The following ARMH4 variants were observed in gnomAD, a reference collection of about 807,000 sequenced individuals.
ARMH4 encodes the protein armadillo like helical domain containing 4.
In ARMH4, 49 loss-of-function variants were observed where a neutral mutation model predicts 61.9. The observed-to-expected ratio is 0.79, with a 90% CI of 0.63 to 1.00. ARMH4 has a LOEUF of 1.00. Ranked by LOEUF, ARMH4 falls within the 50% of genes least tolerant of loss-of-function variation. ARMH4 has a pLI of 0.00. For missense variants in ARMH4, 934 were observed against 930.0 expected (o/e 1.00, Z -0.06); for synonymous variants, 368 against 341.5 (o/e 1.08, Z -0.85).
chr14:58,045,630 A>G (rs1883912199), intron 5 of ARMH4, among the ~76,000 whole-genome samples: 1 of 151,830 alleles, frequency 6.6e-6, no homozygotes, highest in South Asian at 2.1e-4. Context: ...AAAAAGAAAC[A>G]CGGTCTTGTG....
At chr14:58,072,360 A>T (rs1884908164) in intron 5 of ARMH4, among the ~76,000 whole-genome samples, 1 of 152,232 alleles carries the variant, frequency 6.6e-6, no homozygotes, top group South Asian at 2.1e-4. Context: ...GTGGGAAAGA[A>T]ATCTAGATAA....
At chr14:58,120,490 T>A (rs149687438) in intron 4 of ARMH4, among the ~76,000 whole-genome samples, 150 of 152,228 alleles carry the variant, frequency 9.9e-4, no homozygotes, top group African/African-American at 3.5e-3. Flanking sequence ...TTTTTTGTGA[T>A]CCTTTCTGCC....
chr14:58,133,286 G>A lies in ARMH4; in HGVS notation c.1425C>T (p.Ser475=). The A allele has an allele frequency of 6.2e-7, 1 of 1,613,968 alleles. No homozygotes were observed. Among genetic ancestry groups the A allele is most frequent in the Non-Finnish European group, 8.5e-7 (1 of 1,179,990 alleles). Residue 475 remains serine (S), a synonymous_variant, in exon 3 of 8, where the codon TCC becomes TCT. Coordinates refer to ENST00000267485, the MANE Select transcript of ARMH4 (RefSeq NM_001001872.4). ...TAGCAACCTGCTCTTGTGTCACCAT[G>A]GATAAAGTGGCATCTGGCTCTTGAA... The part of the protein sequence containing the change: ...TAVQEPDATL[S]MVTQEQVATL...
At chr14:58,144,967 C>G (rs1211687460) in intron 1 of ARMH4, among the ~76,000 whole-genome samples, 1 of 152,198 alleles carries the variant, frequency 6.6e-6, no homozygotes, top group Non-Finnish European at 1.5e-5. Context: ...AACTGACCTA[C>G]TAAATTCTAT....
intron 5 of ARMH4, among the ~76,000 whole-genome samples, chr14:58,044,797 A>C (rs1883871565): frequency 6.6e-6 from 1 of 152,334 alleles, no homozygotes; most frequent in East Asian, 1.9e-4. Flanking sequence ...AAAAAGTGGG[A>C]GAAGGATATG....
intron 5 of ARMH4, among the ~76,000 whole-genome samples, chr14:58,092,533 A>G (rs1310474021): frequency 2.0e-5 from 3 of 152,196 alleles, no homozygotes; most frequent in Non-Finnish European, 4.4e-5. Context: ...CCTGGAGGTC[A>G]AAAGTCTGAA....
chr14:58,148,747 T>C (rs28584895), intron 1 of ARMH4, among the ~76,000 whole-genome samples: 13,134 of 152,156 alleles, frequency 0.086, 844 homozygotes, highest in African/African-American at 0.18. Context: ...TTTTATTCAA[T>C]ACCTAGCCAA....
chr14:58,074,192 T>G (rs1003756091), intron 5 of ARMH4, among the ~76,000 whole-genome samples: 3 of 152,236 alleles, frequency 2.0e-5, no homozygotes, highest in African/African-American at 7.2e-5. Flanking sequence ...CATGCCAGGC[T>G]GCAAGTCCCA....
At chr14:58,044,143 G>A (rs1883836090) in intron 5 of ARMH4, among the ~76,000 whole-genome samples, 1 of 152,116 alleles carries the variant, frequency 6.6e-6, no homozygotes, top group Non-Finnish European at 1.5e-5. Context: ...CCAAAAAAGA[G>A]CCCGCATTGC....
chr14:58,044,090 T>G (rs1049354479), intron 5 of ARMH4, among the ~76,000 whole-genome samples: 9 of 152,282 alleles, frequency 5.9e-5, no homozygotes, highest in African/African-American at 2.2e-4. Flanking sequence ...CCAATGACTT[T>G]CTTCACAGAA....
chr14:58,001,543 TC>T lies in ARMH4; in HGVS notation c.*3192del, dbSNP rs1881984335. 1 of 152,208 alleles carries T rather than the reference TC, an allele frequency of 6.6e-6. No homozygotes were observed. Among genetic ancestry groups the T allele is most frequent in the African/African-American group, 2.4e-5 (1 of 41,460 alleles). 9.4% of individuals were successfully genotyped at this position (152,208 alleles called of 1,614,324 possible). ...CCCACAGTATACAAGGATTCCAATT[TC>T]TCCACATCCTCAGAAACAATTGTTA... On this transcript the variant is annotated 3_prime_UTR_variant, in exon 8 of 8. Coordinates refer to ENST00000267485, the MANE Select transcript of ARMH4 (RefSeq NM_001001872.4).
At chr14:58,144,837 C>CA (rs1887685470) in intron 1 of ARMH4, among the ~76,000 whole-genome samples, 1 of 151,996 alleles carries the variant, frequency 6.6e-6, no homozygotes, top group Non-Finnish European at 1.5e-5. Context: ...CACTGCACTC[C>CA]AGCCTGGGTG....
Position 58,138,498 on chromosome 14 carries a change from A to G in ARMH4, c.861T>C (p.Thr287=), listed in dbSNP as rs1170560307. ...CTTCTGGGGCTCCCAGCAGACTATC[A>G]GTTTCTGGCTCAACACTCAGGGTGT... The part of the protein sequence containing the change: ...SEYTLSVEPE[T]DSLLGAPEVT... The change falls in exon 2 of 8, where the codon ACT becomes ACC. Residue 287 remains threonine (T), a synonymous_variant. Coordinates refer to ENST00000267485, the MANE Select transcript of ARMH4 (RefSeq NM_001001872.4). 1 of 1,614,064 alleles carries G rather than the reference A, an allele frequency of 6.2e-7. No individual in the cohort carries two copies. Among genetic ancestry groups the G allele is most frequent in the African/African-American group, 1.3e-5 (1 of 74,918 alleles).
At chr14:58,102,677 G>A (rs1251991899) in intron 4 of ARMH4, among the ~76,000 whole-genome samples, 2 of 151,050 alleles carry the variant, frequency 1.3e-5, no homozygotes, top group Non-Finnish European at 3.0e-5. Context: ...CGGGCGCGGT[G>A]GCGGGCGCCT....
intron 5 of ARMH4, among the ~76,000 whole-genome samples, chr14:58,018,139 C>T (rs1355236614): frequency 6.6e-6 from 1 of 152,074 alleles, no homozygotes; most frequent in Non-Finnish European, 1.5e-5. Flanking sequence ...TGAATTAAAA[C>T]TTAAATATAA....
rs199939980 is a variant in ARMH4 at position 58,134,956 on chromosome 14, C to CAAA, written c.1370-1618_1370-1616dup. Among the ~76,000 whole-genome samples, 205 of 73,818 alleles carry CAAA rather than the reference C, an allele frequency of 2.8e-3. 2 individuals are homozygous for CAAA. The highest frequency in any genetic ancestry group is 7.1e-3 in the African/African-American group (169 of 23,928). The allele number at this position is 73,818 out of a possible 152,430, so 48.4% of individuals were successfully genotyped here. A position where few individuals can be genotyped will look rare whatever the true frequency, so the allele number is the denominator to read the frequency against. On this transcript the variant is annotated intron_variant, in intron 2 of 7. Transcript: ENST00000267485. The stretch of plus-strand genomic sequence containing the variant: ...TAGATGACAGAGGGAGACTCTGTCT[C>CAAA]AAAAAAAAAAAAAAAAAAAATTTAT...
intron 5 of ARMH4, among the ~76,000 whole-genome samples, chr14:58,069,146 A>C (rs957224933): frequency 1.3e-5 from 2 of 152,240 alleles, no homozygotes; most frequent in African/African-American, 4.8e-5. Context: ...CAACAAGATC[A>C]AAGCTAGTAT....
At chr14:58,113,261 A>T (rs2141290468) in intron 4 of ARMH4, among the ~76,000 whole-genome samples, 1 of 152,306 alleles carries the variant, frequency 6.6e-6, no homozygotes, top group East Asian at 1.9e-4. Context: ...TTTCACTGCA[A>T]GATCAACCCC....
intron 5 of ARMH4, among the ~76,000 whole-genome samples, chr14:58,076,127 G>A (rs550321272): frequency 1.3e-5 from 2 of 151,264 alleles, no homozygotes; most frequent in South Asian, 2.1e-4. Flanking sequence ...GGAGGAGGAG[G>A]AGGAGGCAGC....
Sources: gnomAD v4.1 joint callset for allele counts (sites outside exome capture counted in the v4.1 genomes callset) on GRCh38, gnomAD v4.1.1 for gene constraint, MANE v1.5 for transcripts, NCBI Gene and HGNC (gene_info 2026-07-23, HGNC 2026-07-21) for gene names.